Variants in SLC25A16 observed in about 807,000 individuals in gnomAD.
The protein encoded by SLC25A16 is mitochondrial coenzyme A transporter SLC25A16.
A neutral mutation model predicts 41.5 loss-of-function variants in SLC25A16; 39 were observed. The ratio of observed to expected loss-of-function variants is 0.94; its 90% CI spans 0.73 to 1.23. SLC25A16 has a LOEUF of 1.23. Among genes scored for constraint, SLC25A16 ranks in the 50% most tolerant of loss-of-function variants. The pLI is 0.00. For synonymous variants in SLC25A16, 146 were observed against 147.8 expected (o/e 0.99, Z 0.09); for missense variants, 421 against 426.9 (o/e 0.99, Z 0.12).
At chr10:68,496,424 A>C (rs1049101174) in intron 4 of SLC25A16, 85 of 952,956 alleles carry the variant, frequency 8.9e-5, no homozygotes, top group Non-Finnish European at 1.0e-4. Context: ...GCAAATCAGA[A>C]ACTGCTTACC....
At position 68,506,795 on chromosome 10, in the gene SLC25A16, G is replaced by A. The variant is rs143273971; in HGVS notation, c.224-77C>T. On this transcript the variant is annotated intron_variant, in intron 2 of 8. Coordinates refer to ENST00000609923, the MANE Select transcript of SLC25A16 (RefSeq NM_152707.4). Reference sequence around the variant, plus strand: ...AATTTTCATGACAATCACAGATAAAGATTAATGTGCCATCACTCAAGATAT... The same window carrying A: ...AATTTTCATGACAATCACAGATAAAAATTAATGTGCCATCACTCAAGATAT... 781 of 803,974 alleles carry A rather than the reference G, an allele frequency of 9.7e-4. 5 individuals carry two copies. In the African/African-American group the frequency reaches 0.013, roughly 13 times the overall value. The allele number at this position is 803,974 out of a possible 1,614,324, so 49.8% of individuals were successfully genotyped here. A position where few individuals can be genotyped will look rare whatever the true frequency, so the allele number is the denominator to read the frequency against.
intron 8 of SLC25A16, among the ~76,000 whole-genome samples, chr10:68,484,138 G>A (rs1475059052): frequency 6.6e-6 from 1 of 152,144 alleles, no homozygotes; most frequent in Non-Finnish European, 1.5e-5. Context: ...TTTGTACTAT[G>A]TCTATGACAT....
intron 8 of SLC25A16, among the ~76,000 whole-genome samples, chr10:68,485,175 C>T (rs1359412387): frequency 1.3e-5 from 2 of 152,130 alleles, no homozygotes; most frequent in South Asian, 2.1e-4. Context: ...CTGCAACCTC[C>T]GTCTCCTGGG....
chr10:68,505,573 G>C (rs988853009), intron 3 of SLC25A16, among the ~76,000 whole-genome samples: 7 of 151,842 alleles, frequency 4.6e-5, no homozygotes, highest in Non-Finnish European at 8.8e-5. Context: ...AGGAGTTCCA[G>C]ACCAGCCTGA....
intron 6 of SLC25A16, 65 bp downstream of exon 6, chr10:68,493,067 A>G (rs2052687732): frequency 2.7e-5 from 16 of 592,360 alleles, no homozygotes; most frequent in Middle Eastern, 3.8e-4. Flanking sequence ...CCATTTCAGA[A>G]AAAAAAAAAA....
intron 3 of SLC25A16, among the ~76,000 whole-genome samples, chr10:68,504,198 G>T (rs2052909897): frequency 6.6e-6 from 1 of 151,398 alleles, no homozygotes. Flanking sequence ...TTATTTTTTA[G>T]TAGAGACGGG....
chr10:68,503,191 T>G (rs1193488637), intron 4 of SLC25A16: 2 of 152,904 alleles, frequency 1.3e-5, no homozygotes, highest in African/African-American at 4.8e-5. Flanking sequence ...TAAAACTCAT[T>G]GATCACAGTC....
chr10:68,494,235 C>T (rs1247150299), intron 4 of SLC25A16, among the ~76,000 whole-genome samples: 1 of 151,440 alleles, frequency 6.6e-6, no homozygotes, highest in African/African-American at 2.4e-5. Flanking sequence ...GAGGCCGAGG[C>T]AGGTGGATTA....
At chr10:68,520,400 G>C (rs1208329362) in intron 1 of SLC25A16, among the ~76,000 whole-genome samples, 1 of 152,072 alleles carries the variant, frequency 6.6e-6, no homozygotes, top group East Asian at 1.9e-4. Flanking sequence ...ATTGACCCGG[G>C]CACAATGGCT....
At chr10:68,526,768 G>GCCA in intron 1 of SLC25A16, among the ~76,000 whole-genome samples, 1 of 152,198 alleles carries the variant, frequency 6.6e-6, no homozygotes, top group South Asian at 2.1e-4. Flanking sequence ...CAGTTTACTA[G>GCCA]AATCACTGGA....
In SLC25A16 at chr10:68,503,655, CTG is replaced by C. The variant is rs1465137760; in HGVS notation, c.396_397del (p.His132GlnfsTer20). 1 of 1,605,024 alleles carries C rather than the reference CTG, an allele frequency of 6.2e-7. No homozygotes were observed. The highest frequency in any genetic ancestry group is 1.7e-5 in the Admixed American group (1 of 59,656). On this transcript the variant is annotated frameshift_variant, in exon 4 of 9. Coordinates refer to ENST00000609923, the MANE Select transcript of SLC25A16 (RefSeq NM_152707.4). LOFTEE classifies it high-confidence loss of function. ...ACCTGCCATGGATCCAGCCATTAAT[CTG>C]TGCACATGACCTGAAATTCCCAGCT...
rs143677549 is a variant in SLC25A16, at chr10:68,514,107, G to A, written c.223+2644C>T. 2.5e-3 allele frequency among the ~76,000 whole-genome samples: 381 copies of A among 152,060 alleles called. 3 individuals are homozygous for A. The highest frequency in any genetic ancestry group is 9.0e-3 in the African/African-American group (375 of 41,474). On this transcript the variant is annotated intron_variant, in intron 2 of 8. Coordinates refer to ENST00000609923, the MANE Select transcript of SLC25A16 (RefSeq NM_152707.4). ...ACTCATGAGGCTGAGGCATGAGAAT[G>A]GCTTGAACCCTGGAGGAGGAGGTTT...
intron 3 of SLC25A16, among the ~76,000 whole-genome samples, chr10:68,504,668 G>A (rs143185458): frequency 2.7e-5 from 4 of 149,974 alleles, no homozygotes; most frequent in African/African-American, 4.9e-5. Flanking sequence ...ATGAGCCACC[G>A]CACCCGGCCT....
chr10:68,496,876 TCACTGCACA>T (rs1422978047), intron 4 of SLC25A16: 1 of 170,660 alleles, frequency 5.9e-6, no homozygotes, highest in African/African-American at 2.4e-5. Context: ...AGTGGTGTGA[TCACTGCACA>T]CTGCAGCCTC....
At chr10:68,494,190 C>T (rs1053065042) in intron 4 of SLC25A16, among the ~76,000 whole-genome samples, 13 of 152,104 alleles carry the variant, frequency 8.5e-5, no homozygotes, top group African/African-American at 2.4e-5. Flanking sequence ...ATAGGCCAGG[C>T]GTGGTGGCTC....
chr10:68,511,173 G>A (rs535614776), intron 2 of SLC25A16, among the ~76,000 whole-genome samples: 4 of 152,106 alleles, frequency 2.6e-5, no homozygotes, highest in African/African-American at 7.2e-5. Flanking sequence ...CCTGGGAGGC[G>A]GAGGTTGCAG....
intron 2 of SLC25A16, 61 bp downstream of exon 2, chr10:68,516,689 CT>C: frequency 4.9e-6 from 6 of 1,229,070 alleles, no homozygotes; most frequent in South Asian, 4.2e-5. Context: ...CTTAAATTCC[CT>C]TTTTTGCCCA....
chr10:68,508,403 T>TAAAAAA (rs59336332), intron 2 of SLC25A16, among the ~76,000 whole-genome samples: 13 of 126,134 alleles, frequency 1.0e-4, no homozygotes, highest in East Asian at 4.8e-4. Flanking sequence ...CAGGAAGCTT[T>TAAAAAA]AAAAAAAAAA....
intron 1 of SLC25A16, among the ~76,000 whole-genome samples, chr10:68,520,240 A>G (rs994123220): frequency 1.3e-5 from 2 of 152,022 alleles, no homozygotes; most frequent in East Asian, 2.0e-4. Context: ...TACAGGCATG[A>G]GCCACCGCAC....
Sources: allele counts gnomAD v4.1 joint callset (sites outside exome capture counted in the v4.1 genomes callset), GRCh38; gene constraint gnomAD v4.1.1; transcripts MANE v1.5; gene names NCBI Gene and HGNC (gene_info 2026-07-23, HGNC 2026-07-21).